The following ZNF541 variants were observed in gnomAD, a reference collection of about 807,000 sequenced individuals.
The protein encoded by ZNF541 is zinc finger protein 541.
A neutral mutation model predicts 123.5 loss-of-function variants in ZNF541; 23 were observed. That is an observed-to-expected ratio of 0.19 (90% CI 0.13 to 0.26). The LOEUF (loss-of-function observed/expected upper bound fraction) is 0.26, where lower values mean the gene tolerates loss of function less well. ZNF541 is among the 10% of genes least tolerant of loss of function. The pLI is 1.00. For missense variants in ZNF541, 1,612 were observed against 1,789.9 expected (o/e 0.90, Z 1.79); for synonymous variants, 751 against 754.5 (o/e 1.00, Z 0.08).
At chr19:47,550,545 G>C (rs1483060781) in intron 3 of ZNF541, among the ~76,000 whole-genome samples, 1 of 152,058 alleles carries the variant, frequency 6.6e-6, no homozygotes, top group Non-Finnish European at 1.5e-5. Context: ...TGTATCCCTT[G>C]GATAAAATGA....
intron 2 of ZNF541, among the ~76,000 whole-genome samples, chr19:47,559,843 C>CT (rs1394053901): frequency 7.6e-6 from 1 of 132,250 alleles, no homozygotes; most frequent in African/African-American, 3.1e-5. Context: ...GAGCAAGACT[C>CT]TGTCTCAAAA....
At chr19:47,523,372 T>G (rs1467405002) in intron 14 of ZNF541, among the ~76,000 whole-genome samples, 1 of 148,652 alleles carries the variant, frequency 6.7e-6, no homozygotes, top group Non-Finnish European at 1.5e-5. Flanking sequence ...AGGAAAAGTT[T>G]AATTGCTCTA....
At position 47,545,702 on chromosome 19, in the gene ZNF541, C is replaced by A; in HGVS notation, c.827G>T (p.Arg276Leu). 6.5e-7 allele frequency: 1 copy of A among 1,547,534 alleles called. No individual in the cohort carries two copies. Residue 276 changes from arginine (R) to leucine (L), a missense_variant, in exon 5 of 17, where the codon CGC (arginine) becomes CTC (leucine). Arg to Leu is a moderately radical substitution (Grantham distance 102, BLOSUM62 -2). Coordinates refer to ENST00000391901, the MANE Select transcript of ZNF541 (RefSeq NM_001277075.3). This position sits in a 1 kb window ranked among gnomAD's most constrained non-coding sequence, Gnocchi z 7.5. ...GSLLPHRDLL[R>L]RIVSSIVHQK... The stretch of plus-strand genomic sequence containing the variant: ...GTGGACGATGCTACTCACGATGCGG[C>A]GCAGGAGGTCCCGGTGGGGCAGGAG...
chr19:47,573,305 T>A (rs1160224599), upstream of ZNF541, among the ~76,000 whole-genome samples: 4 of 151,860 alleles, frequency 2.6e-5, no homozygotes, highest in Non-Finnish European at 4.4e-5. Context: ...CTCGGCTGCT[T>A]CTCCGAGGGG....
chr19:47,532,084 G>A, intron 11 of ZNF541, 44 bp downstream of exon 11: 2 of 1,544,934 alleles, frequency 1.3e-6, no homozygotes, highest in Non-Finnish European at 1.8e-6. Context: ...GAAATGGAGG[G>A]GGAAGAAGGG....
At chr19:47,552,010 A>G (rs1461027211) in intron 3 of ZNF541, among the ~76,000 whole-genome samples, 1 of 151,902 alleles carries the variant, frequency 6.6e-6, no homozygotes, top group Non-Finnish European at 1.5e-5. Context: ...GGCGCCTGCC[A>G]CCATGCCAGG....
chr19:47,550,388 T>C (rs1568508382), intron 3 of ZNF541, among the ~76,000 whole-genome samples: 2 of 126,796 alleles, frequency 1.6e-5, no homozygotes, highest in African/African-American at 5.9e-5. Context: ...AAGAGAAAGA[T>C]AAGGAGAGAA....
At chr19:47,524,635 G>A (rs1027523669) in intron 14 of ZNF541, among the ~76,000 whole-genome samples, 14 of 151,490 alleles carry the variant, frequency 9.2e-5, no homozygotes, top group African/African-American at 3.4e-4. Context: ...TTGAACCCAG[G>A]AGGTGGAGGT....
intron 5 of ZNF541, among the ~76,000 whole-genome samples, chr19:47,543,207 G>C (rs1335864017): frequency 1.3e-5 from 2 of 152,104 alleles, no homozygotes; most frequent in Non-Finnish European, 2.9e-5. Context: ...GGTATGATGG[G>C]AAGCTACTCA....
At chr19:47,558,783 T>C (rs1970939255) in intron 2 of ZNF541, among the ~76,000 whole-genome samples, 2 of 150,712 alleles carry the variant, frequency 1.3e-5, no homozygotes, top group Non-Finnish European at 3.0e-5. Flanking sequence ...TTCACTCTGT[T>C]GCCCAGGCTA....
rs777206680 is a variant in ZNF541 at position 47,532,231 on chromosome 19, C to T, written c.3198G>A (p.Pro1066=). ...NIGSRFQAEI[P]ELQERSLAGT... ...CAGCCAGGGATCTCTCCTGGAGTTC[C>T]GGGATCTCTGCCTGAAACCGGCTTC... Residue 1066 remains proline, a synonymous_variant, in exon 11 of 17, where the codon CCG becomes CCA. Coordinates refer to ENST00000391901, the MANE Select transcript of ZNF541 (RefSeq NM_001277075.3). 2.3e-5 allele frequency: 36 copies of T among 1,551,782 alleles called. No homozygotes were observed. The highest frequency in any genetic ancestry group is 1.7e-4 in the Middle Eastern group (1 of 6,016).
chr19:47,538,092 G>A (rs561327840), intron 9 of ZNF541, 50 bp downstream of exon 9: 67 of 1,540,282 alleles, frequency 4.3e-5, no homozygotes, highest in East Asian at 3.9e-4. Context: ...GCTGTGGTCC[G>A]CAGGCAATCC....
At chr19:47,522,778 G>C (rs1395361117) in intron 14 of ZNF541, among the ~76,000 whole-genome samples, 1 of 134,050 alleles carries the variant, frequency 7.5e-6, no homozygotes, top group African/African-American at 2.9e-5. Context: ...ACAGAATCTC[G>C]CTCTGTCGCC....
chr19:47,540,642 G>T (rs1246656633), intron 6 of ZNF541, among the ~76,000 whole-genome samples: 4 of 152,172 alleles, frequency 2.6e-5, no homozygotes, highest in African/African-American at 9.7e-5. Flanking sequence ...GTTTCACCAT[G>T]TTGGCCAGGC....
At position 47,538,434 on chromosome 19, in the gene ZNF541, T is replaced by C; in HGVS notation, c.2802A>G (p.Gln934=). 1 of 1,510,052 alleles carries C rather than the reference T, an allele frequency of 6.6e-7. No homozygotes were observed. The highest frequency in any genetic ancestry group is 8.9e-7 in the Non-Finnish European group (1 of 1,127,492). 93.5% of individuals were successfully genotyped at this position (1,510,052 alleles called of 1,614,324 possible). A position where few individuals can be genotyped will look rare whatever the true frequency, so the allele number is the denominator to read the frequency against. The stretch of plus-strand genomic sequence containing the variant: ...TGTCTCGCTCCTCCCCGTCTTTCTC[T>C]TGTCCCTGAAGAAGTTTAGAACCAC... The part of the protein sequence containing the change: ...TRHIGSMAMG[Q]EKDGEERDSK... The change falls in exon 9 of 17, where the codon CAA becomes CAG. Residue 934 remains glutamine, a synonymous_variant. Coordinates refer to ENST00000391901, the MANE Select transcript of ZNF541 (RefSeq NM_001277075.3).
intron 12 of ZNF541, among the ~76,000 whole-genome samples, chr19:47,529,977 G>A (rs1025657148): frequency 2.6e-5 from 4 of 152,080 alleles, no homozygotes; most frequent in Admixed American, 6.6e-5. Flanking sequence ...TGACCCTTGC[G>A]TAGGGCCCCA....
At chr19:47,570,307 G>A (rs1273573434) in intron 2 of ZNF541, among the ~76,000 whole-genome samples, 1 of 150,858 alleles carries the variant, frequency 6.6e-6, no homozygotes, top group Non-Finnish European at 1.5e-5. Context: ...GCTGGGCGTG[G>A]TGGTTCATGC....
chr19:47,546,027 G>C, intron 4 of ZNF541, 47 bp from the exon 5 acceptor site: 1 of 1,430,494 alleles, frequency 7.0e-7, no homozygotes, highest in Non-Finnish European at 9.2e-7. Flanking sequence ...CCTGGGACCG[G>C]GCTTTCTGCT....
chr19:47,553,363 C>T (rs923143035), intron 3 of ZNF541, among the ~76,000 whole-genome samples: 4 of 151,186 alleles, frequency 2.6e-5, no homozygotes, highest in African/African-American at 9.7e-5. Flanking sequence ...CTCAGCCTCC[C>T]GAGTAGCTGG....
Sources: gnomAD v4.1 joint callset for allele counts (sites outside exome capture counted in the v4.1 genomes callset) on GRCh38, gnomAD v4.1.1 for gene constraint, Gnocchi (gnomAD v3.1) non-coding constraint, MANE v1.5 for transcripts, NCBI Gene and HGNC (gene_info 2026-07-23, HGNC 2026-07-21) for gene names.